FBXO36: variants seen among roughly 807,000 people sequenced by gnomAD.
The protein encoded by FBXO36 is F-box only protein 36.
FBXO36 carries 18 observed loss-of-function variants against 17.0 expected under a neutral mutation model. That is an observed-to-expected ratio of 1.06 (90% CI 0.73 to 1.57). The LOEUF is 1.57. FBXO36 is among the 40% of genes most tolerant of loss of function. FBXO36 has a pLI of 0.00. For synonymous variants in FBXO36, 83 were observed against 85.3 expected (o/e 0.97, Z 0.15); for missense variants, 229 against 221.9 (o/e 1.03, Z -0.20).
At chr2:229,978,352 G>A (rs2077220893) in intron 2 of FBXO36, among the ~76,000 whole-genome samples, 1 of 151,678 alleles carries the variant, frequency 6.6e-6, no homozygotes, top group African/African-American at 2.4e-5. Flanking sequence ...GAAGGCCAAG[G>A]TGGGCAGATC....
chr2:230,010,832 A>G lies in FBXO36; in HGVS notation c.515A>G (p.Gln172Arg). 1.9e-6 allele frequency: 3 copies of G among 1,613,822 alleles called. No homozygotes were observed. The highest frequency in any genetic ancestry group is 2.5e-6 in the Non-Finnish European group (3 of 1,179,780). The change falls in exon 4 of 4, where the codon CAG becomes CGG. Residue 172 changes from glutamine to arginine, a missense_variant. Gln to Arg is a conservative substitution (Grantham distance 43, BLOSUM62 1). Transcript: ENST00000283946. The stretch of plus-strand genomic sequence containing the variant: ...ACCAACAAGCTCCAGCTCCAGCGGC[A>G]GCTCCGCAAGAGGAAACAAAAATAT... The part of the protein sequence containing the change: ...FFTNKLQLQR[Q>R]LRKRKQKYGN...
intron 1 of FBXO36, among the ~76,000 whole-genome samples, chr2:229,968,574 C>T (rs970766909): frequency 1.3e-5 from 2 of 152,116 alleles, no homozygotes; most frequent in African/African-American, 4.8e-5. Flanking sequence ...TTCAAGCAGT[C>T]CCCTTGTCTC....
At chr2:230,000,675 A>G (rs550391767) in intron 3 of FBXO36, among the ~76,000 whole-genome samples, 7 of 152,028 alleles carry the variant, frequency 4.6e-5, no homozygotes, top group Non-Finnish European at 1.0e-4. Context: ...GTGTCCTGCT[A>G]TTATTTCAGT....
intron 2 of FBXO36, among the ~76,000 whole-genome samples, chr2:229,994,140 G>A (rs2077312882): frequency 6.6e-6 from 1 of 152,066 alleles, no homozygotes; most frequent in South Asian, 2.1e-4. Flanking sequence ...CTTTGAACAT[G>A]TTTTCTTGTC....
intron 1 of FBXO36, among the ~76,000 whole-genome samples, chr2:229,957,885 A>G (rs1448731873): frequency 6.6e-6 from 1 of 152,182 alleles, no homozygotes; most frequent in East Asian, 1.9e-4. Flanking sequence ...AATTTTTAAA[A>G]TAAATTTTTT....
chr2:229,981,265 G>T (rs2077238043), intron 2 of FBXO36, among the ~76,000 whole-genome samples: 1 of 152,138 alleles, frequency 6.6e-6, no homozygotes, highest in Admixed American at 6.6e-5. Flanking sequence ...GAAGTGAGAG[G>T]ATCACTAGAG....
At chr2:230,006,076 T>A (rs1206398379) in intron 3 of FBXO36, among the ~76,000 whole-genome samples, 1 of 151,864 alleles carries the variant, frequency 6.6e-6, no homozygotes, top group Non-Finnish European at 1.5e-5. Context: ...GATACTATTA[T>A]TATCCTCATT....
intron 1 of FBXO36, among the ~76,000 whole-genome samples, chr2:229,936,040 T>A (rs1314668873): frequency 6.6e-6 from 1 of 152,072 alleles, no homozygotes; most frequent in Admixed American, 6.6e-5. Context: ...ATACAAAAAT[T>A]AGCTGGGTGT....
intron 2 of FBXO36, among the ~76,000 whole-genome samples, chr2:229,988,828 G>GTTTTTTTT (rs11321192): frequency 1.5e-5 from 2 of 129,362 alleles, no homozygotes; most frequent in Non-Finnish European, 1.6e-5. Context: ...ATGCTGGCCT[G>GTTTTTTTT]TTTTTTTTTT....
chr2:229,930,478 C>T (rs564491907), intron 1 of FBXO36, among the ~76,000 whole-genome samples: 2 of 152,204 alleles, frequency 1.3e-5, no homozygotes, highest in South Asian at 2.1e-4. Context: ...AGGCTGGGCA[C>T]GGTGACTCAC....
intron 1 of FBXO36, among the ~76,000 whole-genome samples, chr2:229,925,053 C>G (rs918823976): frequency 1.3e-5 from 2 of 151,984 alleles, no homozygotes; most frequent in African/African-American, 2.4e-5. Flanking sequence ...TTTAAGAAAT[C>G]TTTCCCACCA....
intron 1 of FBXO36, among the ~76,000 whole-genome samples, chr2:229,940,473 T>C (rs2076992422): frequency 6.6e-6 from 1 of 152,196 alleles, no homozygotes; most frequent in Admixed American, 6.5e-5. Flanking sequence ...GTATAACCCG[T>C]GTACATATAT....
chr2:229,943,848 C>T (rs1284685545), intron 1 of FBXO36, among the ~76,000 whole-genome samples: 2 of 152,140 alleles, frequency 1.3e-5, no homozygotes, highest in Admixed American at 1.3e-4. Flanking sequence ...TCCTTGCCCC[C>T]ATCTCAGTTC....
rs554984946 is a variant in FBXO36 at position 229,963,349 on chromosome 2, C to T, written c.97-12892C>T. Among the ~76,000 whole-genome samples the T allele has an allele frequency of 2.6e-4, 39 of 151,922 alleles. 1 individual carries two copies. Among genetic ancestry groups the T allele is most frequent in the African/African-American group, 8.2e-4 (34 of 41,474 alleles). ...AAAGTGCTGGGATTACAGATGTGAG[C>T]GACCGTGCCCGGCCCCCCAGGTTGT... On this transcript the variant is annotated intron_variant, in intron 1 of 3. Coordinates refer to ENST00000283946, the MANE Select transcript of FBXO36 (RefSeq NM_174899.5).
intron 2 of FBXO36, among the ~76,000 whole-genome samples, chr2:229,995,437 T>G (rs1176685586): frequency 6.6e-6 from 1 of 152,018 alleles, no homozygotes; most frequent in Non-Finnish European, 1.5e-5. Context: ...GTTAAAATAC[T>G]ATGAAGCATC....
intron 1 of FBXO36, among the ~76,000 whole-genome samples, chr2:229,931,961 A>G (rs1431039398): frequency 1.2e-4 from 18 of 145,888 alleles, no homozygotes; most frequent in Non-Finnish European, 2.7e-4. Context: ...CTGTCACCTA[A>G]GCTGGAGTGC....
chr2:229,992,773 G>A (rs374062516), intron 2 of FBXO36, among the ~76,000 whole-genome samples: 32 of 152,306 alleles, frequency 2.1e-4, no homozygotes, highest in African/African-American at 7.7e-4. Flanking sequence ...ACTTAACTGA[G>A]TGGTTCTGAT....
At chr2:229,932,951 C>T (rs1316076701) in intron 1 of FBXO36, 2 of 217,010 alleles carry the variant, frequency 9.2e-6, no homozygotes, top group Non-Finnish European at 2.0e-5. Flanking sequence ...CCTGTAATCC[C>T]AGCTACTCAG....
At chr2:229,930,384 G>A (rs148163430) in intron 1 of FBXO36, among the ~76,000 whole-genome samples, 3 of 152,162 alleles carry the variant, frequency 2.0e-5, no homozygotes, top group African/African-American at 7.2e-5. Flanking sequence ...TGTTTGTGTT[G>A]ATTTACACTC....
Sources: gnomAD v4.1 joint callset for allele counts (sites outside exome capture counted in the v4.1 genomes callset) on GRCh38, gnomAD v4.1.1 for gene constraint, MANE v1.5 for transcripts, NCBI Gene and HGNC (gene_info 2026-07-23, HGNC 2026-07-21) for gene names.